Variants in KCNMA1 observed in about 807,000 individuals in gnomAD.
The protein encoded by KCNMA1 is Calcium-activated potassium channel subunit alpha-1.
A neutral mutation model predicts 140.0 loss-of-function variants in KCNMA1; 29 were observed. The ratio of observed to expected loss-of-function variants is 0.21; its 90% CI spans 0.15 to 0.28. The LOEUF (loss-of-function observed/expected upper bound fraction) is 0.28. KCNMA1 is among the 10% of genes least tolerant of loss of function. The pLI is 1.00. For missense variants in KCNMA1, 880 were observed against 1,602.2 expected (o/e 0.55, Z 7.70); for synonymous variants, 612 against 611.9 (o/e 1.00, Z 0.00).
chr10:77,007,653 G>GTGTGTGTGTA, intron 18 of KCNMA1, among the ~76,000 whole-genome samples: 6 of 88,458 alleles, frequency 6.8e-5, no homozygotes, highest in African/African-American at 1.8e-4. Context: ...TTGTGTGTGT[G>GTGTGTGTGTA]TATATATATA....
intron 1 of KCNMA1, among the ~76,000 whole-genome samples, chr10:77,552,546 A>G (rs1481328753): frequency 6.6e-6 from 1 of 152,236 alleles, no homozygotes; most frequent in Admixed American, 6.5e-5. Flanking sequence ...TACCAGGTGG[A>G]CAAGCAACTG....
At chr10:77,490,590 G>A (rs1310612713) in intron 1 of KCNMA1, among the ~76,000 whole-genome samples, 1 of 152,196 alleles carries the variant, frequency 6.6e-6, no homozygotes, top group Non-Finnish European at 1.5e-5. Context: ...GACCACACTA[G>A]GTTATGTCAT....
At chr10:77,562,162 G>A (rs2066601657) in intron 1 of KCNMA1, among the ~76,000 whole-genome samples, 1 of 152,230 alleles carries the variant, frequency 6.6e-6, no homozygotes, top group Non-Finnish European at 1.5e-5. Flanking sequence ...ATACACAGAT[G>A]CTGATGTGCA....
intron 14 of KCNMA1, among the ~76,000 whole-genome samples, chr10:77,052,170 T>G (rs1177595033): frequency 6.6e-6 from 1 of 152,184 alleles, no homozygotes; most frequent in African/African-American, 2.4e-5. Flanking sequence ...TCAGTGATCA[T>G]ACAGTGGTTC....
intron 5 of KCNMA1, among the ~76,000 whole-genome samples, chr10:77,144,525 A>G (rs2098250827): frequency 6.6e-6 from 1 of 152,214 alleles, no homozygotes; most frequent in Non-Finnish European, 1.5e-5. Context: ...ACAGTGGTGC[A>G]TATCTCTGTC....
intron 25 of KCNMA1, among the ~76,000 whole-genome samples, chr10:76,909,106 G>C (rs1036167354): frequency 1.3e-5 from 2 of 152,214 alleles, no homozygotes; most frequent in Admixed American, 1.3e-4. Flanking sequence ...CTTCCAGCCA[G>C]GCCTTGCCTC....
chr10:77,388,594 G>A (rs1184003774), intron 2 of KCNMA1, among the ~76,000 whole-genome samples: 1 of 152,120 alleles, frequency 6.6e-6, no homozygotes, highest in African/African-American at 2.4e-5. Context: ...TTATCTTTCA[G>A]GAAAGTGGAT....
chr10:77,459,863 T>C (rs751373006), intron 1 of KCNMA1, among the ~76,000 whole-genome samples: 6 of 152,232 alleles, frequency 3.9e-5, no homozygotes, highest in Non-Finnish European at 5.9e-5. Context: ...CTGCATTTCC[T>C]CATCTATAAA....
chr10:76,947,127 G>A (rs1256755534), intron 22 of KCNMA1, among the ~76,000 whole-genome samples: 1 of 152,050 alleles, frequency 6.6e-6, no homozygotes, highest in Non-Finnish European at 1.5e-5. Flanking sequence ...CTGAGGTCAG[G>A]AGTTTGCAAC....
intron 5 of KCNMA1, among the ~76,000 whole-genome samples, chr10:77,135,476 A>G (rs1201150003): frequency 1.3e-5 from 2 of 152,204 alleles, no homozygotes; most frequent in Non-Finnish European, 2.9e-5. Context: ...CCATACAATC[A>G]AGCAACCTCA....
chr10:77,083,896 T>C (rs995517212), intron 12 of KCNMA1, among the ~76,000 whole-genome samples: 3 of 151,664 alleles, frequency 2.0e-5, no homozygotes, highest in Non-Finnish European at 4.4e-5. Flanking sequence ...TATAGTCAAA[T>C]AGGTTTGGAA....
intron 1 of KCNMA1, among the ~76,000 whole-genome samples, chr10:77,490,674 GT>G (rs1026492541): frequency 6.6e-6 from 1 of 152,210 alleles, no homozygotes; most frequent in African/African-American, 2.4e-5. Flanking sequence ...AAATTAGGCA[GT>G]TTGCCTAAAG....
chr10:76,909,447 C>A (rs2049163827), intron 25 of KCNMA1, among the ~76,000 whole-genome samples: 1 of 152,160 alleles, frequency 6.6e-6, no homozygotes, highest in Non-Finnish European at 1.5e-5. Context: ...CTTCATTATT[C>A]TTAAGAAAAA....
chr10:77,156,641 C>T (rs562187), intron 5 of KCNMA1, among the ~76,000 whole-genome samples: 48,503 of 152,116 alleles, frequency 0.32, 9,659 homozygotes, highest in East Asian at 0.9. Context: ...AACACATAAG[C>T]GCAGTTAAAT....
At chr10:77,116,475 G>A (rs936751362) in intron 6 of KCNMA1, among the ~76,000 whole-genome samples, 5 of 151,866 alleles carry the variant, frequency 3.3e-5, no homozygotes, top group African/African-American at 9.7e-5. Context: ...AGAAGTGTAC[G>A]TTTGTCCCTG....
chr10:77,571,120 T>C (rs2154560920), intron 1 of KCNMA1, among the ~76,000 whole-genome samples: 2 of 152,304 alleles, frequency 1.3e-5, no homozygotes, highest in Admixed American at 1.3e-4. Flanking sequence ...TAGTCTATTG[T>C]TTCTTCCTCA....
At chr10:77,341,308 T>C (rs186770002) in intron 2 of KCNMA1, among the ~76,000 whole-genome samples, 2 of 152,354 alleles carry the variant, frequency 1.3e-5, no homozygotes, top group African/African-American at 4.8e-5. Context: ...CCACTTTCCC[T>C]TTCTGGGTCT....
intron 1 of KCNMA1, among the ~76,000 whole-genome samples, chr10:77,470,268 G>A (rs1027947383): frequency 9.9e-4 from 150 of 152,248 alleles, no homozygotes; most frequent in African/African-American, 3.5e-3. Context: ...CCCCACAAAT[G>A]ATTATGGGCT....
At chr10:77,227,306 G>C (rs886366850) in intron 3 of KCNMA1, among the ~76,000 whole-genome samples, 1 of 152,142 alleles carries the variant, frequency 6.6e-6, no homozygotes, top group Non-Finnish European at 1.5e-5. Context: ...TGGTTTTGAG[G>C]TTCACCAAGC....
Sources: gnomAD v4.1 joint callset for allele counts (sites outside exome capture counted in the v4.1 genomes callset) on GRCh38, gnomAD v4.1.1 for gene constraint, MANE v1.5 for transcripts, NCBI Gene and HGNC (gene_info 2026-07-23, HGNC 2026-07-21) for gene names.